The following TBL1XR1 variants were observed in gnomAD, a reference collection of about 807,000 sequenced individuals.
TBL1XR1 encodes the protein TBL1X/Y related 1, also known as F-box-like/WD repeat-containing protein TBL1XR1.
Under a neutral mutation model 66.9 loss-of-function variants are expected in TBL1XR1, and 5 were observed. The ratio of observed to expected loss-of-function variants is 0.07; its 90% CI spans 0.04 to 0.16. The LOEUF is 0.16. Ranked by LOEUF, TBL1XR1 falls within the 10% of genes least tolerant of loss-of-function variation. TBL1XR1 has a pLI of 1.00. For synonymous variants in TBL1XR1, 210 were observed against 206.0 expected (o/e 1.02, Z -0.17); for missense variants, 238 against 623.2 (o/e 0.38, Z 6.58).
At chr3:177,049,624 G>A (rs1716780957) in intron 7 of TBL1XR1, among the ~76,000 whole-genome samples, 1 of 152,026 alleles carries the variant, frequency 6.6e-6, no homozygotes. Flanking sequence ...CTAAGGACTC[G>A]GTTGTTATAG....
intron 1 of TBL1XR1, among the ~76,000 whole-genome samples, chr3:177,148,169 A>G (rs557704854): frequency 6.6e-6 from 1 of 152,310 alleles, no homozygotes; most frequent in Admixed American, 6.5e-5. Flanking sequence ...TATAACACAA[A>G]CTTTTTATAA....
chr3:177,060,027 C>T (rs961045460), intron 3 of TBL1XR1, among the ~76,000 whole-genome samples: 4 of 152,156 alleles, frequency 2.6e-5, no homozygotes, highest in Non-Finnish European at 4.4e-5. Flanking sequence ...CAGGGGTTCT[C>T]GGGCCTTTGG....
intron 3 of TBL1XR1, among the ~76,000 whole-genome samples, chr3:177,059,843 C>A (rs1718284419): frequency 6.6e-6 from 1 of 152,144 alleles, no homozygotes; most frequent in Admixed American, 6.5e-5. Context: ...GTGGGAACCG[C>A]CTAATCAGCT....
At position 177,112,968 on chromosome 3, in the gene TBL1XR1, G is replaced by A. The variant is rs557624245; in HGVS notation, c.-121-14427C>T. ...GCAGAGGTTGCTGTGAGCAGAGATCGTGGCACTGCACTCCGATGAAGCAAG... is the reference window on the plus strand; with the variant it reads ...GCAGAGGTTGCTGTGAGCAGAGATCATGGCACTGCACTCCGATGAAGCAAG... On this transcript the variant is annotated intron_variant, in intron 1 of 15. Transcript: ENST00000457928. Among the ~76,000 whole-genome samples the A allele has an allele frequency of 4.6e-5, 7 of 151,822 alleles. No homozygotes were observed. The East Asian group carries it at 5.8e-4, about 13-fold the overall frequency.
chr3:177,119,091 C>T (rs1052630433), intron 1 of TBL1XR1, among the ~76,000 whole-genome samples: 1 of 152,148 alleles, frequency 6.6e-6, no homozygotes, highest in Non-Finnish European at 1.5e-5. Flanking sequence ...CCTGCCTCAG[C>T]ATCACGGGTA....
intron 14 of TBL1XR1, among the ~76,000 whole-genome samples, chr3:177,031,387 TGCCGTG>T (rs1471490552): frequency 6.6e-6 from 1 of 150,554 alleles, no homozygotes; most frequent in African/African-American, 2.4e-5. Context: ...CGGGCTGGAG[TGCCGTG>T]GTGTGATCTT....
At chr3:177,034,686 G>C (rs575948880) in intron 12 of TBL1XR1, among the ~76,000 whole-genome samples, 5 of 151,484 alleles carry the variant, frequency 3.3e-5, no homozygotes, top group East Asian at 3.9e-4. Context: ...TAGAATTTTA[G>C]AATCAGGAAA....
At chr3:177,066,112 T>C (rs867532823) in intron 2 of TBL1XR1, among the ~76,000 whole-genome samples, 2 of 152,160 alleles carry the variant, frequency 1.3e-5, no homozygotes, top group South Asian at 4.1e-4. Context: ...ACTATGCTGG[T>C]TGTCCTGCCA....
At chr3:177,161,714 G>A (rs2108890526) in intron 1 of TBL1XR1, among the ~76,000 whole-genome samples, 1 of 151,742 alleles carries the variant, frequency 6.6e-6, no homozygotes, top group South Asian at 2.1e-4. Context: ...AACCAGGGAG[G>A]TAGAGGTTGC....
At chr3:177,138,172 G>A (rs1250935635) in intron 1 of TBL1XR1, among the ~76,000 whole-genome samples, 2 of 152,140 alleles carry the variant, frequency 1.3e-5, no homozygotes, top group Admixed American at 1.3e-4. Flanking sequence ...AAACAATGAT[G>A]GTACTTCATC....
Position 177,128,364 on chromosome 3 carries a change from G to A in TBL1XR1, c.-121-29823C>T, listed in dbSNP as rs79631396. Among the ~76,000 whole-genome samples, 436 of 152,260 alleles carry A rather than the reference G, an allele frequency of 2.9e-3. 2 individuals carry two copies. Among genetic ancestry groups the A allele is most frequent in the African/African-American group, 9.9e-3 (410 of 41,552 alleles). On this transcript the variant is annotated intron_variant, in intron 1 of 15. Transcript: ENST00000457928. ...TTGTTCTCATATAACTTATGACACAGAGAGCAAGCATCTTTTCTGCTTTTT... is the reference window on the plus strand; with the variant it reads ...TTGTTCTCATATAACTTATGACACAAAGAGCAAGCATCTTTTCTGCTTTTT...
At chr3:177,111,289 T>A (rs922105369) in intron 1 of TBL1XR1, among the ~76,000 whole-genome samples, 7 of 129,292 alleles carry the variant, frequency 5.4e-5, no homozygotes, top group African/African-American at 1.4e-4. Context: ...TTTTTTTTTT[T>A]AAAGACAGAG....
chr3:177,178,748 A>G (rs1357909371), intron 1 of TBL1XR1, among the ~76,000 whole-genome samples: 1 of 152,126 alleles, frequency 6.6e-6, no homozygotes, highest in African/African-American at 2.4e-5. Context: ...AAGTTGTGGA[A>G]AAGGTTCCAG....
Position 177,024,081 on chromosome 3 carries a change from CAT to C in TBL1XR1, c.*1415_*1416del, listed in dbSNP as rs1712748001. On this transcript the variant is annotated 3_prime_UTR_variant, in exon 16 of 16. Coordinates refer to ENST00000457928, the MANE Select transcript of TBL1XR1 (RefSeq NM_024665.7). ...TTGATATTATAAACAGAGTAAAAGA[CAT>C]GATATAGTAGTGATTACTAAAAAAA... 6.6e-6 allele frequency: 1 copy of C among 151,108 alleles called. No individual in the cohort carries two copies. Among genetic ancestry groups the C allele is most frequent in the Non-Finnish European group, 1.5e-5 (1 of 67,756 alleles). 9.4% of individuals were successfully genotyped at this position (151,108 alleles called of 1,614,324 possible).
chr3:177,159,714 T>C (rs1731942336), intron 1 of TBL1XR1, among the ~76,000 whole-genome samples: 1 of 152,176 alleles, frequency 6.6e-6, no homozygotes, highest in Non-Finnish European at 1.5e-5. Context: ...AAGTACCAGC[T>C]CCTACGAAAG....
rs117784653 is a variant in TBL1XR1 at position 177,186,140 on chromosome 3, C to A, written c.-122+10981G>T. Among the ~76,000 whole-genome samples, 914 of 152,290 alleles carry A rather than the reference C, an allele frequency of 6.0e-3. 23 individuals are homozygous for A. Among genetic ancestry groups the A allele is most frequent in the East Asian group, 0.05 (257 of 5,184 alleles). ...GTCAAAGATGTATTCCCATGATACA[C>A]CTGGGGTTTTTTTGCACAAGAACAC... On this transcript the variant is annotated intron_variant, in intron 1 of 15. Transcript: ENST00000457928.
At chr3:177,154,833 G>A (rs546955880) in intron 1 of TBL1XR1, among the ~76,000 whole-genome samples, 23 of 152,116 alleles carry the variant, frequency 1.5e-4, no homozygotes, top group East Asian at 3.9e-4. Context: ...GAAAACATCC[G>A]ATAAAAATAA....
chr3:177,189,988 C>T (rs953509869), intron 1 of TBL1XR1, among the ~76,000 whole-genome samples: 1 of 151,898 alleles, frequency 6.6e-6, no homozygotes, highest in Non-Finnish European at 1.5e-5. Context: ...AAAGTTCTAG[C>T]TGGGCGTGTA....
intron 1 of TBL1XR1, among the ~76,000 whole-genome samples, chr3:177,168,674 G>A (rs1733111891): frequency 6.6e-6 from 1 of 152,090 alleles, no homozygotes; most frequent in African/African-American, 2.4e-5. Flanking sequence ...TGAACATAAT[G>A]AACATACTGA....
Sources: gnomAD v4.1 joint callset for allele counts (sites outside exome capture counted in the v4.1 genomes callset) on GRCh38, gnomAD v4.1.1 for gene constraint, MANE v1.5 for transcripts, NCBI Gene and HGNC (gene_info 2026-07-23, HGNC 2026-07-21) for gene names.